RFX7: variants seen among roughly 807,000 people sequenced by gnomAD.
The protein encoded by RFX7 is regulatory factor X7.
RFX7 carries 26 observed loss-of-function variants against 111.8 expected under a neutral mutation model. That is an observed-to-expected ratio of 0.23 (90% CI 0.17 to 0.32). The LOEUF is 0.32. Among genes scored for constraint, RFX7 ranks in the 10% least tolerant of loss-of-function variants. The pLI, the probability that RFX7 is intolerant of heterozygous loss-of-function variation, is 1.00. For synonymous variants in RFX7, 624 were observed against 624.4 expected (o/e 1.00, Z 0.01); for missense variants, 1,573 against 1,772.9 (o/e 0.89, Z 2.02).
intron 5 of RFX7, 44 bp from the exon 6 acceptor site, chr15:56,103,714 A>G: frequency 1.7e-6 from 2 of 1,163,790 alleles, no homozygotes; most frequent in Non-Finnish European, 1.2e-6. Context: ...AGAATTCAGA[A>G]TTATATCGCA....
At chr15:56,191,221 A>T (rs2043097864) in intron 2 of RFX7, among the ~76,000 whole-genome samples, 1 of 152,210 alleles carries the variant, frequency 6.6e-6, no homozygotes, top group Non-Finnish European at 1.5e-5. Context: ...CATGTTTTGT[A>T]ATATCTTTTT....
At chr15:56,112,427 C>T (rs1253131034) in intron 5 of RFX7, among the ~76,000 whole-genome samples, 6 of 140,916 alleles carry the variant, frequency 4.3e-5, no homozygotes, top group Non-Finnish European at 9.2e-5. Context: ...TTTAAGAAAT[C>T]GTACTGGGAA....
chr15:56,243,061 C>CCCCCCCCAAAT, intron 2 of RFX7, 64 bp downstream of exon 2: 1 of 1,036,976 alleles, frequency 9.6e-7, no homozygotes, highest in Non-Finnish European at 1.4e-6. Flanking sequence ...CCGCCGCCCC[C>CCCCCCCCAAAT]CACCCACTTT....
intron 3 of RFX7, among the ~76,000 whole-genome samples, chr15:56,178,024 C>A (rs1225317037): frequency 2.0e-5 from 3 of 151,616 alleles, no homozygotes; most frequent in Non-Finnish European, 4.4e-5. Flanking sequence ...AACTGGCAGA[C>A]AGAAGATGTC....
chr15:56,160,619 C>T (rs558640457), intron 3 of RFX7: 33 of 152,084 alleles, frequency 2.2e-4, no homozygotes, highest in African/African-American at 7.9e-4. Context: ...AGATCACTAA[C>T]AGAAGGATCA....
At chr15:56,216,906 A>G (rs2043368051) in intron 2 of RFX7, among the ~76,000 whole-genome samples, 1 of 152,084 alleles carries the variant, frequency 6.6e-6, no homozygotes, top group South Asian at 2.1e-4. Flanking sequence ...TCCTCCTGTC[A>G]GCCTATAGAG....
chr15:56,220,374 G>A (rs1257103462), intron 2 of RFX7, among the ~76,000 whole-genome samples: 1 of 152,058 alleles, frequency 6.6e-6, no homozygotes, highest in Non-Finnish European at 1.5e-5. Flanking sequence ...GGGATTACAG[G>A]TGCCTGCCAC....
At chr15:56,185,749 G>A (rs572510926) in intron 2 of RFX7, among the ~76,000 whole-genome samples, 1 of 152,048 alleles carries the variant, frequency 6.6e-6, no homozygotes, top group Non-Finnish European at 1.5e-5. Context: ...TACTACTGAT[G>A]AGAAGTTTGT....
intron 2 of RFX7, among the ~76,000 whole-genome samples, chr15:56,224,301 A>C (rs890335773): frequency 2.0e-5 from 3 of 152,186 alleles, no homozygotes; most frequent in African/African-American, 7.2e-5. Flanking sequence ...AAGCAATTTT[A>C]AAGTAAGTAT....
At chr15:56,140,591 C>A (rs537131864) in intron 5 of RFX7, among the ~76,000 whole-genome samples, 1 of 152,114 alleles carries the variant, frequency 6.6e-6, no homozygotes, top group Admixed American at 6.5e-5. Context: ...TCACTCAGGC[C>A]GGAGCTGTTC....
intron 5 of RFX7, among the ~76,000 whole-genome samples, chr15:56,108,941 A>C (rs2041867570): frequency 6.6e-6 from 1 of 152,224 alleles, no homozygotes; most frequent in Non-Finnish European, 1.5e-5. Flanking sequence ...ACTCCCAATC[A>C]CAACTGCTAC....
chr15:56,182,824 T>C (rs1321734839), intron 2 of RFX7, among the ~76,000 whole-genome samples: 2 of 152,192 alleles, frequency 1.3e-5, no homozygotes, highest in Non-Finnish European at 2.9e-5. Context: ...TCTTGGCATA[T>C]ACCTGTAAGA....
chr15:56,232,240 C>A (rs1182532209), intron 2 of RFX7, among the ~76,000 whole-genome samples: 2 of 152,308 alleles, frequency 1.3e-5, no homozygotes, highest in East Asian at 3.9e-4. Flanking sequence ...ACTGCCCTAG[C>A]AGAGGTTTCA....
At chr15:56,114,696 A>ATTAT (rs1309206093) in intron 5 of RFX7, among the ~76,000 whole-genome samples, 1 of 152,034 alleles carries the variant, frequency 6.6e-6, no homozygotes, top group East Asian at 1.9e-4. Context: ...GAAGAGTTAA[A>ATTAT]TTATTTATAT....
At chr15:56,157,559 G>A (rs1213494188) in intron 3 of RFX7, among the ~76,000 whole-genome samples, 1 of 152,122 alleles carries the variant, frequency 6.6e-6, no homozygotes, top group South Asian at 2.1e-4. Flanking sequence ...CTCTGAGTTG[G>A]TATTCAATTT....
At chr15:56,167,418 G>A (rs1424742917) in intron 3 of RFX7, among the ~76,000 whole-genome samples, 1 of 152,166 alleles carries the variant, frequency 6.6e-6, no homozygotes, top group Non-Finnish European at 1.5e-5. Flanking sequence ...TATAGACTGA[G>A]AAACTTACAC....
intron 3 of RFX7, among the ~76,000 whole-genome samples, chr15:56,167,552 T>TACATCTAAAATGTCATATACATGTA (rs2042797708): frequency 1.3e-5 from 2 of 152,206 alleles, no homozygotes; most frequent in South Asian, 4.1e-4. Context: ...TATGACATTA[T>TACATCTAAAATGTCATATACATGTA]ACATCTAAAA....
At chr15:56,179,134 C>A in intron 3 of RFX7, 136 bp downstream of exon 3, 1 of 357,096 alleles carries the variant, frequency 2.8e-6, no homozygotes. Context: ...CCCGAGGGGG[C>A]TGTAATTAAA....
intron 2 of RFX7, among the ~76,000 whole-genome samples, chr15:56,188,277 T>A (rs1272552431): frequency 6.6e-6 from 1 of 152,144 alleles, no homozygotes; most frequent in African/African-American, 2.4e-5. Flanking sequence ...AAAGATTTTT[T>A]AAAAATAATA....
Sources: allele counts gnomAD v4.1 joint callset (sites outside exome capture counted in the v4.1 genomes callset), GRCh38; gene constraint gnomAD v4.1.1; transcripts MANE v1.5; gene names NCBI Gene and HGNC (gene_info 2026-07-23, HGNC 2026-07-21).